The following IMMP2L variants were observed in gnomAD, a reference collection of about 807,000 sequenced individuals.
IMMP2L encodes the protein mitochondrial inner membrane protease subunit 2.
In IMMP2L, 18 loss-of-function variants were observed where a neutral mutation model predicts 19.3. That is an observed-to-expected ratio of 0.93 (90% CI 0.64 to 1.38). The LOEUF is 1.38. Among genes scored for constraint, IMMP2L ranks in the 40% most tolerant of loss-of-function variants. The probability of loss-of-function intolerance (pLI) is 0.00; values close to 1 mark genes in which losing one functional copy is unlikely to be tolerated. For synonymous variants in IMMP2L, 76 were observed against 73.0 expected, an observed-to-expected ratio of 1.04 and a Z score of -0.21; for missense variants, 233 against 218.2, an observed-to-expected ratio of 1.07 and a Z score of -0.43.
At chr7:110,675,586 G>T (rs145141799) in intron 5 of IMMP2L, among the ~76,000 whole-genome samples, 1 of 152,284 alleles carries the variant, frequency 6.6e-6, no homozygotes, top group Non-Finnish European at 1.5e-5. Flanking sequence ...AAGGAACAAA[G>T]TTTAATAATA....
At chr7:111,132,042 C>G (rs2129594202) in intron 3 of IMMP2L, among the ~76,000 whole-genome samples, 1 of 151,848 alleles carries the variant, frequency 6.6e-6, no homozygotes, top group East Asian at 1.9e-4. Context: ...CTAACTCTCC[C>G]CATCAGTATG....
At chr7:111,088,023 T>C (rs1247076660) in intron 3 of IMMP2L, among the ~76,000 whole-genome samples, 2 of 152,200 alleles carry the variant, frequency 1.3e-5, no homozygotes, top group East Asian at 1.9e-4. Flanking sequence ...CTTAACATGA[T>C]GCTCAGAGTC....
intron 3 of IMMP2L, among the ~76,000 whole-genome samples, chr7:111,139,126 G>A (rs545642273): frequency 6.6e-6 from 1 of 151,976 alleles, no homozygotes; most frequent in African/African-American, 2.4e-5. Context: ...CCAAAAAAAA[G>A]GAATAAGCCT....
chr7:110,663,371 G>A lies in IMMP2L; in HGVS notation c.*231C>T, dbSNP rs1791206749. ...ATATTCCCAAAGGTCTGCATATTTTGGGGGCATTAAACAACAGGGAACTAA... is the reference window on the plus strand; with the variant it reads ...ATATTCCCAAAGGTCTGCATATTTTAGGGGCATTAAACAACAGGGAACTAA... On this transcript the variant is annotated 3_prime_UTR_variant, in exon 6 of 6. Coordinates refer to ENST00000405709, the MANE Select transcript of IMMP2L (RefSeq NM_032549.4). 1 of 393,016 alleles carries A rather than the reference G, an allele frequency of 2.5e-6. No homozygotes were observed. Among genetic ancestry groups the A allele is most frequent in the Non-Finnish European group, 4.5e-6 (1 of 219,906 alleles). 24.3% of individuals were successfully genotyped at this position (393,016 alleles called of 1,614,324 possible).
chr7:111,135,690 T>C (rs964037945), intron 3 of IMMP2L, among the ~76,000 whole-genome samples: 1 of 152,238 alleles, frequency 6.6e-6, no homozygotes, highest in African/African-American at 2.4e-5. Flanking sequence ...GTATATTTTA[T>C]TGCAGAATTA....
chr7:111,529,114 T>C (rs976512650), intron 1 of IMMP2L, among the ~76,000 whole-genome samples: 2 of 152,294 alleles, frequency 1.3e-5, no homozygotes, highest in African/African-American at 2.4e-5. Context: ...AGACACCAGA[T>C]TGACCAAGCC....
intron 3 of IMMP2L, among the ~76,000 whole-genome samples, chr7:111,153,262 C>T (rs971378491): frequency 3.9e-5 from 6 of 152,028 alleles, no homozygotes; most frequent in South Asian, 4.2e-4. Context: ...ACTTCACTGT[C>T]AATAAAATGT....
chr7:110,687,959 CTTGGAAAAGAGCCATCATATAAGAAG>C lies in IMMP2L; in HGVS notation c.409-24264_409-24239del, dbSNP rs577929492. The stretch of plus-strand genomic sequence containing the variant: ...GCCTGGTAGCTTTTGCTCTTTGGCT[CTTGGAAAAGAGCCATCATATAAGAAG>C]TATGTCTATGAAATCATCATACTGT... On this transcript the variant is annotated intron_variant, in intron 5 of 5. Coordinates refer to ENST00000405709, the MANE Select transcript of IMMP2L (RefSeq NM_032549.4). Among the ~76,000 whole-genome samples, 462 of 152,010 alleles carry C rather than the reference CTTGGAAAAGAGCCATCATATAAGAAG, an allele frequency of 3.0e-3. 1 individual carries two copies. The highest frequency in any genetic ancestry group is 4.4e-3 in the South Asian group (21 of 4,822).
At chr7:110,831,748 A>G (rs183840120) in intron 5 of IMMP2L, among the ~76,000 whole-genome samples, 37 of 152,314 alleles carry the variant, frequency 2.4e-4, no homozygotes, top group Admixed American at 5.2e-4. Flanking sequence ...TACTAGAGGG[A>G]AAGAATCTGC....
rs563346717 is a variant in IMMP2L at position 110,701,287 on chromosome 7, G to A, written c.409-37566C>T. The stretch of plus-strand genomic sequence containing the variant: ...ATTATAGCATTTACTGCCCCTAATA[G>A]CAAATTACTATCACTTTTAGCAATA... On this transcript the variant is annotated intron_variant, in intron 5 of 5. Transcript: ENST00000405709. Among the ~76,000 whole-genome samples the A allele has an allele frequency of 7.9e-5, 12 of 152,172 alleles. No homozygotes were observed. The South Asian group carries it at 2.5e-3, about 32-fold the overall frequency.
chr7:111,175,933 C>G (rs926365613), intron 3 of IMMP2L, among the ~76,000 whole-genome samples: 3 of 151,532 alleles, frequency 2.0e-5, no homozygotes, highest in African/African-American at 7.3e-5. Context: ...AGGAAAAAAT[C>G]CAATAATCTG....
At chr7:110,780,887 G>C (rs1249268686) in intron 5 of IMMP2L, among the ~76,000 whole-genome samples, 2 of 151,854 alleles carry the variant, frequency 1.3e-5, no homozygotes, top group African/African-American at 2.4e-5. Flanking sequence ...TCCCTGTCTT[G>C]TGAGTTCAGC....
chr7:111,435,659 G>T (rs1399469670), intron 3 of IMMP2L, among the ~76,000 whole-genome samples: 1 of 151,812 alleles, frequency 6.6e-6, no homozygotes, highest in Non-Finnish European at 1.5e-5. Context: ...ACCTGCACTT[G>T]TCCCCACTAA....
At chr7:111,491,216 A>G (rs1220027703) in intron 2 of IMMP2L, among the ~76,000 whole-genome samples, 2 of 152,188 alleles carry the variant, frequency 1.3e-5, no homozygotes, top group Non-Finnish European at 2.9e-5. Flanking sequence ...TATATAATAC[A>G]TATAGCATAT....
At chr7:111,398,700 A>C (rs1833118962) in intron 3 of IMMP2L, among the ~76,000 whole-genome samples, 1 of 151,996 alleles carries the variant, frequency 6.6e-6, no homozygotes, top group South Asian at 2.1e-4. Context: ...TGTTTGCTGA[A>C]AACATGATCA....
intron 3 of IMMP2L, among the ~76,000 whole-genome samples, chr7:111,418,690 A>T (rs528366593): frequency 2.0e-5 from 3 of 151,980 alleles, no homozygotes; most frequent in Admixed American, 6.5e-5. Context: ...CAATATATTG[A>T]TCAAATCAAA....
chr7:110,983,226 AAAGT>A (rs555917054), intron 3 of IMMP2L, among the ~76,000 whole-genome samples: 100 of 152,236 alleles, frequency 6.6e-4, no homozygotes, highest in African/African-American at 2.2e-3. Flanking sequence ...GAGAATAATT[AAAGT>A]AAGTAAATTA....
intron 3 of IMMP2L, among the ~76,000 whole-genome samples, chr7:111,079,957 T>C (rs1450953123): frequency 6.6e-6 from 1 of 152,068 alleles, no homozygotes; most frequent in East Asian, 1.9e-4. Flanking sequence ...CCATGTGTGA[T>C]GTCATAAGGT....
chr7:111,180,990 C>T (rs1001550205), intron 3 of IMMP2L, among the ~76,000 whole-genome samples: 1 of 151,898 alleles, frequency 6.6e-6, no homozygotes, highest in Non-Finnish European at 1.5e-5. Flanking sequence ...TTATAACCAC[C>T]GAATATTATA....
Sources: allele counts gnomAD v4.1 joint callset (sites outside exome capture counted in the v4.1 genomes callset), GRCh38; gene constraint gnomAD v4.1.1; transcripts MANE v1.5; gene names NCBI Gene and HGNC (gene_info 2026-07-23, HGNC 2026-07-21).